ISOC1: variants seen among roughly 807,000 people sequenced by gnomAD.
ISOC1 encodes the protein isochorismatase domain containing 1, also known as isochorismatase domain-containing protein 1.
In ISOC1, 33 loss-of-function variants were observed where a neutral mutation model predicts 30.0. The observed-to-expected ratio is 1.10, with a 90% confidence interval of 0.83 to 1.47. The LOEUF is 1.47. Among genes scored for constraint, ISOC1 ranks in the 40% most tolerant of loss-of-function variants. ISOC1 has a pLI of 0.00. For synonymous variants in ISOC1, 178 were observed against 159.8 expected, an observed-to-expected ratio of 1.11 and a Z score of -0.86; for missense variants, 372 against 388.0, an observed-to-expected ratio of 0.96 and a Z score of 0.35.
At chr5:129,098,234 A>G (rs761300046) in intron 1 of ISOC1, among the ~76,000 whole-genome samples, 65 of 152,108 alleles carry the variant, frequency 4.3e-4, no homozygotes, top group Admixed American at 2.0e-4. Flanking sequence ...ACTGATCTTT[A>G]AGACCCCCCA....
chr5:129,107,064 T>C lies in ISOC1; in HGVS notation c.750+2T>C. ...ATGGACAGGATGTTTGCCCTCGAGG[T>C]AATTGTCCTGCTTGGGAATAGATCA... On this transcript the variant is annotated splice_donor_variant, in intron 4 of 4. Coordinates refer to ENST00000173527, the MANE Select transcript of ISOC1 (RefSeq NM_016048.2). LOFTEE classifies it high-confidence loss of function. 6.2e-7 allele frequency: 1 copy of C among 1,605,202 alleles called. No homozygotes were observed. The highest frequency in any genetic ancestry group is 8.5e-7 in the Non-Finnish European group (1 of 1,172,148).
chr5:129,094,766 C>A lies in ISOC1; in HGVS notation c.-1C>A. ...CGGAGCTCGCAGACGCTCGGGGGAA[C>A]ATGGCGGCTGCGGAGCCGGCGGTCC... is the stretch of plus-strand genomic sequence containing the variant. On this transcript the variant is annotated 5_prime_UTR_variant, in exon 1 of 5. Coordinates refer to ENST00000173527, the MANE Select transcript of ISOC1 (RefSeq NM_016048.2). 4 of 1,493,710 alleles carry A rather than the reference C, an allele frequency of 2.7e-6. No individual in the cohort carries two copies. The highest frequency in any genetic ancestry group is 3.5e-6 in the Non-Finnish European group (4 of 1,127,236). 92.5% of individuals were successfully genotyped at this position (1,493,710 alleles called of 1,614,324 possible).
In ISOC1 at chr5:129,100,050, G is replaced by C. The variant is rs527762965; in HGVS notation, c.310-4906G>C. ...CTCTGTTGTAAGTGAGTTGACATTG[G>C]AGCCAGGCCTTACTATAGCTGTGGT... On this transcript the variant is annotated intron_variant, in intron 1 of 4. Transcript: ENST00000173527. Among the ~76,000 whole-genome samples, 4 of 152,304 alleles carry C rather than the reference G, an allele frequency of 2.6e-5. No homozygotes were observed. In the East Asian group the frequency reaches 7.7e-4, roughly 29 times the overall value.
In ISOC1 at chr5:129,113,530, T is replaced by C. The variant is rs2150173022; in HGVS notation, c.*529T>C. ...CTCACAATGTTGTCCACTTAGTGAGTTGCATTGATCTATCCGTACCAAATG... is the reference window on the plus strand; with the variant it reads ...CTCACAATGTTGTCCACTTAGTGAGCTGCATTGATCTATCCGTACCAAATG... On this transcript the variant is annotated 3_prime_UTR_variant, in exon 5 of 5. Transcript: ENST00000173527. 6.5e-6 allele frequency: 1 copy of C among 152,814 alleles called. No homozygotes were observed. Among genetic ancestry groups the C allele is most frequent in the East Asian group, 1.9e-4 (1 of 5,192 alleles). The allele number at this position is 152,814 out of a possible 1,614,324, so 9.5% of individuals were successfully genotyped here.
chr5:129,108,461 C>T (rs1580789572), intron 4 of ISOC1, among the ~76,000 whole-genome samples: 1 of 151,542 alleles, frequency 6.6e-6, no homozygotes, highest in South Asian at 2.1e-4. Flanking sequence ...TAGTTAGGTA[C>T]TAAGTATTGC....
At chr5:129,103,892 A>T (rs1351186943) in intron 1 of ISOC1, among the ~76,000 whole-genome samples, 4 of 152,180 alleles carry the variant, frequency 2.6e-5, no homozygotes, top group Admixed American at 2.0e-4. Flanking sequence ...ACCAGAACAC[A>T]TCCTTTACAG....
intron 1 of ISOC1, among the ~76,000 whole-genome samples, chr5:129,096,747 G>T (rs1753506848): frequency 6.6e-6 from 1 of 152,190 alleles, no homozygotes; most frequent in South Asian, 2.1e-4. Context: ...ACTAACTGCG[G>T]AGGTCTGGGA....
chr5:129,101,119 A>C (rs71589915), intron 1 of ISOC1, among the ~76,000 whole-genome samples: 7 of 117,470 alleles, frequency 6.0e-5, no homozygotes, highest in African/African-American at 2.3e-4. Flanking sequence ...GGATCTTCCC[A>C]CCTCAGCCTC....
At chr5:129,100,001 A>G (rs1417291591) in intron 1 of ISOC1, among the ~76,000 whole-genome samples, 2 of 152,196 alleles carry the variant, frequency 1.3e-5, no homozygotes, top group African/African-American at 4.8e-5. Context: ...GATCTTTGTA[A>G]CCTGGGGGAG....
chr5:129,108,010 T>G (rs1490418586), intron 4 of ISOC1, among the ~76,000 whole-genome samples: 1 of 152,214 alleles, frequency 6.6e-6, no homozygotes, highest in Non-Finnish European at 1.5e-5. Flanking sequence ...TCTCTCATAT[T>G]TAGTTCTAAT....
At position 129,106,855 on chromosome 5, in the gene ISOC1, T is replaced by C. The variant is rs376601010; in HGVS notation, c.634-91T>C. ...AACAAGGTCCTTAGATGATCTGTAGTGCTCTGTCTGCTTTATCATGTTGTT... is the reference window on the plus strand; with the variant it reads ...AACAAGGTCCTTAGATGATCTGTAGCGCTCTGTCTGCTTTATCATGTTGTT... On this transcript the variant is annotated intron_variant, in intron 3 of 4. Coordinates refer to ENST00000173527, the MANE Select transcript of ISOC1 (RefSeq NM_016048.2). 262 of 845,414 alleles carry C rather than the reference T, an allele frequency of 3.1e-4. No individual in the cohort carries two copies. In the African/African-American group the frequency reaches 4.0e-3, roughly 13 times the overall value. 52.4% of individuals were successfully genotyped at this position (845,414 alleles called of 1,614,324 possible).
In ISOC1 at chr5:129,094,848, G is replaced by A. The variant is rs1452249002; in HGVS notation, c.82G>A (p.Val28Met). Residue 28 changes from valine to methionine, a missense_variant, in exon 1 of 5, where the codon GTG (valine) becomes ATG (methionine). Transcript: ENST00000173527. ...GAGAPSGTVP[V>M]LFCFSVFARP... ...GGGGGCGCCGTCGGGCACAGTCCCG[G>A]TGCTCTTCTGTTTCTCAGTCTTCGC... is the stretch of plus-strand genomic sequence containing the variant. 2 of 1,569,670 alleles carry A rather than the reference G, an allele frequency of 1.3e-6. No homozygotes were observed. Among genetic ancestry groups the A allele is most frequent in the Non-Finnish European group, 1.7e-6 (2 of 1,160,044 alleles).
intron 1 of ISOC1, chr5:129,097,727 A>G (rs1161613202): frequency 6.6e-6 from 1 of 151,202 alleles, no homozygotes; most frequent in Non-Finnish European, 1.5e-5. Flanking sequence ...TCCTCCACAA[A>G]TGCGTGTGGA....
In ISOC1 at chr5:129,105,611, C is replaced by T. The variant is rs961156597; in HGVS notation, c.633+223C>T. Among the ~76,000 whole-genome samples, 3 of 152,044 alleles carry T rather than the reference C, an allele frequency of 2.0e-5. No individual in the cohort carries two copies. In the East Asian group the frequency reaches 5.8e-4, roughly 29 times the overall value. On this transcript the variant is annotated intron_variant, in intron 3 of 4. Coordinates refer to ENST00000173527, the MANE Select transcript of ISOC1 (RefSeq NM_016048.2). Reference sequence around the variant, plus strand: ...GTAAGAGCTAAATACTCAGTAGTCTCCCCATATTAAAGAGGATACTAAAAT... The same window carrying T: ...GTAAGAGCTAAATACTCAGTAGTCTTCCCATATTAAAGAGGATACTAAAAT...
chr5:129,109,139 CA>C (rs72136967), intron 4 of ISOC1, among the ~76,000 whole-genome samples: 10,103 of 152,222 alleles, frequency 0.066, 652 homozygotes, highest in African/African-American at 0.17. Context: ...GCACAAGACT[CA>C]AGATTAAAAA....
At chr5:129,102,200 C>T (rs1261214451) in intron 1 of ISOC1, among the ~76,000 whole-genome samples, 1 of 152,164 alleles carries the variant, frequency 6.6e-6, no homozygotes, top group Non-Finnish European at 1.5e-5. Flanking sequence ...CTCTCCACAT[C>T]ATATTCAACA....
At chr5:129,096,188 T>C (rs1319302019) in intron 1 of ISOC1, among the ~76,000 whole-genome samples, 1 of 152,244 alleles carries the variant, frequency 6.6e-6, no homozygotes, top group African/African-American at 2.4e-5. Context: ...GAAACATTTA[T>C]CATTTATTTC....
At chr5:129,098,218 A>G (rs1753530853) in intron 1 of ISOC1, among the ~76,000 whole-genome samples, 2 of 152,172 alleles carry the variant, frequency 1.3e-5, no homozygotes, top group African/African-American at 2.4e-5. Flanking sequence ...TAGTGGTTCT[A>G]TGAGAACTGA....
At chr5:129,112,298 G>A (rs918377232) in intron 4 of ISOC1, among the ~76,000 whole-genome samples, 13 of 152,184 alleles carry the variant, frequency 8.5e-5, no homozygotes, top group African/African-American at 2.4e-4. Context: ...TATGCATCAC[G>A]ATCTCATGTA....
Sources: allele counts gnomAD v4.1 joint callset (sites outside exome capture counted in the v4.1 genomes callset), GRCh38; gene constraint gnomAD v4.1.1; transcripts MANE v1.5; gene names NCBI Gene and HGNC (gene_info 2026-07-23, HGNC 2026-07-21).